PARP2: variants seen among roughly 807,000 people sequenced by gnomAD.
PARP2 encodes the protein poly [ADP-ribose] polymerase 2.
PARP2 carries 57 observed loss-of-function variants against 77.8 expected under a neutral mutation model. That is an observed-to-expected ratio of 0.73 (90% CI 0.59 to 0.91). The LOEUF is 0.91. Ranked by LOEUF, PARP2 falls within the 40% of genes least tolerant of loss-of-function variation. The pLI, the probability that PARP2 is intolerant of heterozygous loss-of-function variation, is 0.00. For missense variants in PARP2, 651 were observed against 689.0 expected (o/e 0.94, Z 0.62); for synonymous variants, 226 against 242.6 (o/e 0.93, Z 0.64).
intron 8 of PARP2, 123 bp from the exon 9 acceptor site, chr14:20,354,686 C>A (rs1884077172): frequency 1.1e-6 from 1 of 937,412 alleles, no homozygotes; most frequent in Non-Finnish European, 1.6e-6. Flanking sequence ...AGGAGTGAGA[C>A]CCCATCTTAA....
At chr14:20,344,610 C>T (rs566845081) in intron 1 of PARP2, among the ~76,000 whole-genome samples, 3 of 152,252 alleles carry the variant, frequency 2.0e-5, no homozygotes, top group Non-Finnish European at 2.9e-5. Flanking sequence ...GTCACGAGTT[C>T]GAGACCAGCC....
chr14:20,345,678 C>T (rs1883691647), intron 3 of PARP2, among the ~76,000 whole-genome samples: 1 of 152,050 alleles, frequency 6.6e-6, no homozygotes, highest in Admixed American at 6.6e-5. Flanking sequence ...TTAGACCATT[C>T]TTGCATTGCT....
chr14:20,354,850 C>T lies in PARP2; in HGVS notation c.805C>T (p.Leu269Phe). ...ACAAATCAAGGCAGGTTACCAGTCTCTTAAGAAGATTGAGGATTGTATTCG... is the reference window on the plus strand; with the variant it reads ...ACAAATCAAGGCAGGTTACCAGTCTTTTAAGAAGATTGAGGATTGTATTCG... ...VAQIKAGYQSLKKIEDCIRAG... is the reference protein window; with the variant it reads ...VAQIKAGYQSFKKIEDCIRAG... Residue 269 changes from leucine (L) to phenylalanine (F), a missense_variant, in exon 9 of 16, where the codon CTT (leucine) becomes TTT (phenylalanine). Physicochemically the swap from Leu to Phe is conservative, Grantham distance 22. Transcript: ENST00000429687. 1.2e-6 allele frequency: 2 copies of T among 1,613,966 alleles called. No homozygotes were observed. Among genetic ancestry groups the T allele is most frequent in the South Asian group, 1.1e-5 (1 of 91,052 alleles).
Position 20,345,060 on chromosome 14 carries a change from A to G in PARP2, c.175A>G (p.Lys59Glu), listed in dbSNP as rs762055576. 47 of 1,614,008 alleles carry G rather than the reference A, an allele frequency of 2.9e-5. No individual in the cohort carries two copies. Among genetic ancestry groups the G allele is most frequent in the Non-Finnish European group, 3.9e-5 (46 of 1,179,988 alleles). ...KMPVAGGKAN[K>E]DRTEDKQDES... ...GCCTGTGGCTGGAGGAAAAGCTAAT[A>G]AGGACAGGACAGAAGACAAGCAAGA... The change falls in exon 2 of 16, where the codon AAG becomes GAG. Residue 59 changes from lysine to glutamate, a missense_variant. Lys to Glu is a moderately conservative substitution (Grantham distance 56, BLOSUM62 1). Transcript: ENST00000429687.
chr14:20,355,247 C>T (rs1413258104), intron 9 of PARP2: 5 of 251,748 alleles, frequency 2.0e-5, no homozygotes, highest in South Asian at 1.3e-4. Flanking sequence ...ACCCCCTTTT[C>T]CTATTTGAGT....
chr14:20,345,247 C>T, intron 2 of PARP2, 147 bp from the exon 3 acceptor site: 3 of 1,029,590 alleles, frequency 2.9e-6, no homozygotes, highest in Middle Eastern at 2.5e-4. Context: ...TGCCTTGAAT[C>T]TTCATTTTCA....
chr14:20,357,192 A>G, intron 14 of PARP2, 43 bp downstream of exon 14: 1 of 1,480,438 alleles, frequency 6.8e-7, no homozygotes, highest in Non-Finnish European at 9.4e-7. Flanking sequence ...TATTAATTCC[A>G]GTTTTTTTCC....
chr14:20,346,833 T>TG, intron 3 of PARP2, 30 bp from the exon 4 acceptor site: 1 of 1,476,762 alleles, frequency 6.8e-7, no homozygotes, highest in Non-Finnish European at 9.4e-7. Flanking sequence ...CCTATACTAA[T>TG]GTTGATTTTT....
chr14:20,348,652 T>C (rs1397471655), intron 4 of PARP2, among the ~76,000 whole-genome samples: 1 of 152,260 alleles, frequency 6.6e-6, no homozygotes, highest in Non-Finnish European at 1.5e-5. Flanking sequence ...ATCCAACATA[T>C]ATAATTTTAA....
At chr14:20,349,345 A>G (rs1389101408) in intron 4 of PARP2, among the ~76,000 whole-genome samples, 1 of 151,618 alleles carries the variant, frequency 6.6e-6, no homozygotes, top group African/African-American at 2.4e-5. Context: ...AAAAACCATA[A>G]AAACATTTAC....
At chr14:20,347,450 C>G (rs1367171872) in intron 4 of PARP2, among the ~76,000 whole-genome samples, 1 of 86,586 alleles carries the variant, frequency 1.2e-5, no homozygotes, top group Non-Finnish European at 2.1e-5. Flanking sequence ...GAGTCTTGCT[C>G]TGTCACCCAG....
intron 4 of PARP2, 85 bp downstream of exon 4, chr14:20,346,998 T>A: frequency 2.5e-6 from 2 of 811,540 alleles, no homozygotes; most frequent in Non-Finnish European, 2.0e-6. Context: ...AGTGTTCAGA[T>A]CTTTAAAGTC....
intron 4 of PARP2, among the ~76,000 whole-genome samples, chr14:20,347,389 TATATATATA>T (rs1180594707): frequency 6.1e-4 from 13 of 21,362 alleles, no homozygotes; most frequent in African/African-American, 1.2e-3. Flanking sequence ...TATATATATA[TATATATATA>T]TTTTTTTTTT....
chr14:20,354,752 G>A, intron 8 of PARP2, 57 bp from the exon 9 acceptor site: 1 of 1,518,454 alleles, frequency 6.6e-7, no homozygotes, highest in East Asian at 2.3e-5. Context: ...AGGATGTTAA[G>A]TACAGTTCAC....
intron 4 of PARP2, among the ~76,000 whole-genome samples, chr14:20,350,099 G>A (rs1471514121): frequency 6.6e-6 from 1 of 152,220 alleles, no homozygotes; most frequent in Non-Finnish European, 1.5e-5. Context: ...CTGTCAAGGA[G>A]TAAGTCATTT....
chr14:20,352,504 T>G (rs1371059962), intron 7 of PARP2, 157 bp downstream of exon 7: 1 of 502,364 alleles, frequency 2.0e-6, no homozygotes, highest in African/African-American at 2.0e-5. Context: ...CACCTCAGCC[T>G]CCTCAGTATC....
chr14:20,351,190 T>A (rs2459920), intron 6 of PARP2, 68 bp downstream of exon 6: 103,479 of 1,189,100 alleles, frequency 0.087, 15,023 homozygotes, highest in African/African-American at 0.61. Context: ...CTCTAAAAAA[T>A]TTTTTTTTAG....
rs1884052430 is a variant in PARP2 at position 20,354,023 on chromosome 14, T to A, written c.601-62T>A. 3 of 1,294,556 alleles carry A rather than the reference T, an allele frequency of 2.3e-6. No individual in the cohort carries two copies. In the Admixed American group the frequency reaches 5.2e-5, roughly 22 times the overall value. The allele number at this position is 1,294,556 out of a possible 1,614,324, so 80.2% of individuals were successfully genotyped here. A position where few individuals can be genotyped will look rare whatever the true frequency, so the allele number is the denominator to read the frequency against. On this transcript the variant is annotated intron_variant, in intron 7 of 15. Transcript: ENST00000429687. The stretch of plus-strand genomic sequence containing the variant: ...CATTTACATTGTATAATATTGGGTG[T>A]TATAAGGAATCTAGAGATGATTTCT...
At chr14:20,345,499 A>T (rs764505297) in intron 3 of PARP2, 35 bp downstream of exon 3, 6 of 1,513,718 alleles carry the variant, frequency 4.0e-6, no homozygotes, top group South Asian at 2.3e-5. Flanking sequence ...CAGTCCATGG[A>T]TATCTCAGAG....
Sources: gnomAD v4.1 joint callset for allele counts (sites outside exome capture counted in the v4.1 genomes callset) on GRCh38, gnomAD v4.1.1 for gene constraint, MANE v1.5 for transcripts, NCBI Gene and HGNC (gene_info 2026-07-23, HGNC 2026-07-21) for gene names.